Variants in TIMP2 observed in about 807,000 individuals in gnomAD.
The protein encoded by TIMP2 is metalloproteinase inhibitor 2.
In TIMP2, 5 loss-of-function variants were observed where a neutral mutation model predicts 24.3. The observed-to-expected ratio is 0.21, with a 90% CI of 0.11 to 0.43. TIMP2 has a LOEUF of 0.43. Ranked by LOEUF, TIMP2 falls within the 20% of genes least tolerant of loss-of-function variation. The pLI is 1.00. For missense variants in TIMP2, 221 were observed against 297.5 expected, an observed-to-expected ratio of 0.74 and a Z score of 1.89; for synonymous variants, 130 against 123.2, an observed-to-expected ratio of 1.06 and a Z score of -0.37.
rs868190365 is a variant in TIMP2 at position 78,853,755 on chromosome 17, T to G, written c.*1912A>C. 17 of 152,592 alleles carry G rather than the reference T, an allele frequency of 1.1e-4. No individual in the cohort carries two copies. Among genetic ancestry groups the G allele is most frequent in the African/African-American group, 3.9e-4 (16 of 41,522 alleles). The allele number at this position is 152,592 out of a possible 1,614,324, so 9.5% of individuals were successfully genotyped here. On this transcript the variant is annotated 3_prime_UTR_variant, in exon 5 of 5. Transcript: ENST00000262768. ...ATAAAAAACACAGCACAGGAATGAT[T>G]ACAGCTGATGTCAAAAACAAACCAA...
intron 3 of TIMP2, among the ~76,000 whole-genome samples, chr17:78,869,627 G>C (rs1435849226): frequency 6.6e-6 from 1 of 151,736 alleles, no homozygotes; most frequent in Non-Finnish European, 1.5e-5. Context: ...CCTGGTCAAC[G>C]TGGTGAAACC....
intron 1 of TIMP2, chr17:78,898,376 G>C (rs545773590): frequency 6.6e-6 from 1 of 152,370 alleles, no homozygotes; most frequent in South Asian, 2.1e-4. Context: ...TGCTGCCCAG[G>C]GAGGTCAGAG....
At chr17:78,922,738 G>A (rs775756406) in intron 1 of TIMP2, among the ~76,000 whole-genome samples, 8 of 152,146 alleles carry the variant, frequency 5.3e-5, no homozygotes, top group South Asian at 2.1e-4. Context: ...AGAATTGCTC[G>A]AACCCAGGAG....
chr17:78,895,029 C>T (rs867629156), intron 1 of TIMP2, among the ~76,000 whole-genome samples: 10 of 152,142 alleles, frequency 6.6e-5, no homozygotes, highest in Admixed American at 2.6e-4. Context: ...ACCTGTAATC[C>T]CAGCACACTG....
At chr17:78,918,142 C>T (rs568483286) in intron 1 of TIMP2, among the ~76,000 whole-genome samples, 34 of 152,218 alleles carry the variant, frequency 2.2e-4, no homozygotes, top group Admixed American at 2.0e-3. Context: ...CCCCCAAACC[C>T]GCCAGGCCTA....
In TIMP2 at chr17:78,925,088, TGGCGGGCCGGGGGGCTG is replaced by T. The variant is rs1599182209; in HGVS notation, c.-17_-1del. The T allele has an allele frequency of 1.8e-5, 2 of 109,680 alleles. No homozygotes were observed. The highest frequency in any genetic ancestry group is 2.3e-4 in the Admixed American group (1 of 4,312). 6.8% of individuals were successfully genotyped at this position (109,680 alleles called of 1,614,324 possible). A position where few individuals can be genotyped will look rare whatever the true frequency, so the allele number is the denominator to read the frequency against. The stretch of plus-strand genomic sequence containing the variant: ...CGCAGGGTGCGGGCCGCGGCGCCCA[TGGCGGGCCGGGGGGCTG>T]GGCGGGCGGGGGCCGCCGCTGGGGG... On this transcript the variant is annotated 5_prime_UTR_variant, in exon 1 of 5. Coordinates refer to ENST00000262768, the MANE Select transcript of TIMP2 (RefSeq NM_003255.5).
Position 78,924,992 on chromosome 17 carries a change from G to A in TIMP2, c.97C>T (p.His33Tyr). 1.6e-6 allele frequency: 2 copies of A among 1,288,186 alleles called. No homozygotes were observed. The highest frequency in any genetic ancestry group is 2.0e-6 in the Non-Finnish European group (2 of 1,006,562). 79.8% of individuals were successfully genotyped at this position (1,288,186 alleles called of 1,614,324 possible). A position where few individuals can be genotyped will look rare whatever the true frequency, so the allele number is the denominator to read the frequency against. The stretch of plus-strand genomic sequence containing the variant: ...GCATTGCAAAACGCCTGTTGCGGGT[G>A]CACCGGGGAGCAGCTGCAGGCGTCG... ...PADACSCSPV[H>Y]PQQAFCNADV... The change falls in exon 1 of 5, where the codon CAC becomes TAC. Residue 33 changes from histidine to tyrosine, a missense_variant. Coordinates refer to ENST00000262768, the MANE Select transcript of TIMP2 (RefSeq NM_003255.5). The surrounding 1 kb of genome is among the most constrained non-coding windows in gnomAD (Gnocchi z 5.3).
At chr17:78,921,129 G>A (rs1400924910) in intron 1 of TIMP2, among the ~76,000 whole-genome samples, 3 of 152,196 alleles carry the variant, frequency 2.0e-5, no homozygotes, top group African/African-American at 7.2e-5. Context: ...TCCTGAGCAC[G>A]TGTCCTGAAG....
chr17:78,918,065 A>ACACACGCGCACACAC (rs1555652947), intron 1 of TIMP2, among the ~76,000 whole-genome samples: 2 of 144,812 alleles, frequency 1.4e-5, no homozygotes, highest in African/African-American at 5.2e-5. Context: ...TGCACACACA[A>ACACACGCGCACACAC]ACACACACAC....
intron 1 of TIMP2, among the ~76,000 whole-genome samples, chr17:78,882,084 C>A (rs1460511886): frequency 6.6e-6 from 1 of 152,226 alleles, no homozygotes; most frequent in African/African-American, 2.4e-5. Flanking sequence ...CCTGCCTCAG[C>A]CTCTGGAGTA....
rs1302248958 is a variant in TIMP2 at position 78,925,036 on chromosome 17, G to C, written c.53C>G (p.Ala18Gly). Residue 18 changes from alanine to glycine, a missense_variant, in exon 1 of 5, where the codon GCG (alanine) becomes GGG (glycine). By Grantham distance (60) the Ala-to-Gly change is moderately conservative. Transcript: ENST00000262768. ...LRLALGLLLLATLLRPADACS... is the reference protein window; with the variant it reads ...LRLALGLLLLGTLLRPADACS... ...GGCGTCGGCCGGGCGAAGCAGCGTC[G>C]CCAGCAGCAGGAGGCCGAGCGCCAG... 7 of 1,192,520 alleles carry C rather than the reference G, an allele frequency of 5.9e-6. No homozygotes were observed. The African/African-American group carries it at 1.1e-4, about 20-fold the overall frequency. The allele number at this position is 1,192,520 out of a possible 1,614,324, so 73.9% of individuals were successfully genotyped here.
intron 1 of TIMP2, among the ~76,000 whole-genome samples, chr17:78,910,448 C>T (rs1330520645): frequency 6.6e-6 from 1 of 152,216 alleles, no homozygotes; most frequent in Admixed American, 6.5e-5. Context: ...CCACCTTGGC[C>T]TCCCAAAGTG....
intron 1 of TIMP2, among the ~76,000 whole-genome samples, chr17:78,895,004 G>C (rs1253569844): frequency 6.6e-6 from 1 of 152,188 alleles, no homozygotes; most frequent in African/African-American, 2.4e-5. Flanking sequence ...AAGAAGGACA[G>C]GTGTGGCAGC....
At chr17:78,893,200 GATGT>G (rs2069933785) in intron 1 of TIMP2, among the ~76,000 whole-genome samples, 2 of 131,838 alleles carry the variant, frequency 1.5e-5, no homozygotes, top group African/African-American at 5.9e-5. Flanking sequence ...TGTGTGCAAG[GATGT>G]GTGTGCATGT....
intron 1 of TIMP2, among the ~76,000 whole-genome samples, chr17:78,900,506 C>G (rs984845733): frequency 2.7e-5 from 4 of 150,318 alleles, no homozygotes; most frequent in African/African-American, 9.8e-5. Flanking sequence ...GATCGCACCA[C>G]TGTACTCTAG....
chr17:78,882,805 G>A (rs1440103301), intron 1 of TIMP2, among the ~76,000 whole-genome samples: 1 of 152,260 alleles, frequency 6.6e-6, no homozygotes. Flanking sequence ...CAGCCAGGAA[G>A]TGTCACAAGT....
At chr17:78,914,117 G>C (rs2070233342) in intron 1 of TIMP2, among the ~76,000 whole-genome samples, 1 of 152,108 alleles carries the variant, frequency 6.6e-6, no homozygotes, top group South Asian at 2.1e-4. Flanking sequence ...GGCTGACCTG[G>C]GAGAGCAGGC....
At chr17:78,910,692 T>C (rs1029746572) in intron 1 of TIMP2, among the ~76,000 whole-genome samples, 1 of 152,238 alleles carries the variant, frequency 6.6e-6, no homozygotes. Flanking sequence ...AGTGAGAACA[T>C]GCCATGTTTA....
chr17:78,854,736 C>T lies in TIMP2; in HGVS notation c.*931G>A, dbSNP rs1485025061. 2 of 152,186 alleles carry T rather than the reference C, an allele frequency of 1.3e-5. No individual in the cohort carries two copies. 9.4% of individuals were successfully genotyped at this position (152,186 alleles called of 1,614,324 possible). On this transcript the variant is annotated 3_prime_UTR_variant, in exon 5 of 5. Coordinates refer to ENST00000262768, the MANE Select transcript of TIMP2 (RefSeq NM_003255.5). ...TGCAGATGGGGAGCCCAGCCGGGCCCTGCACACAAGCCCGGATAAAGCAAA... is the reference window on the plus strand; with the variant it reads ...TGCAGATGGGGAGCCCAGCCGGGCCTTGCACACAAGCCCGGATAAAGCAAA...
Sources: allele counts gnomAD v4.1 joint callset (sites outside exome capture counted in the v4.1 genomes callset), GRCh38; gene constraint gnomAD v4.1.1; non-coding constraint Gnocchi (gnomAD v3.1); transcripts MANE v1.5; gene names NCBI Gene and HGNC (gene_info 2026-07-23, HGNC 2026-07-21).